GRK4: variants seen among roughly 807,000 people sequenced by gnomAD.
The protein encoded by GRK4 is G protein-coupled receptor kinase 4.
GRK4 carries 73 observed loss-of-function variants against 77.9 expected under a neutral mutation model. The ratio of observed to expected loss-of-function variants is 0.94; its 90% confidence interval spans 0.78 to 1.14. GRK4 has a LOEUF of 1.14. Ranked by LOEUF, GRK4 falls within the 50% of genes most tolerant of loss-of-function variation. The pLI, the probability that GRK4 is intolerant of heterozygous loss-of-function variation, is 0.00. For synonymous variants in GRK4, 257 were observed against 254.4 expected, an observed-to-expected ratio of 1.01 and a Z score of -0.10; for missense variants, 729 against 700.2, an observed-to-expected ratio of 1.04 and a Z score of -0.46.
At chr4:3,026,115 C>T (rs890010726) in intron 10 of GRK4, among the ~76,000 whole-genome samples, 2 of 152,188 alleles carry the variant, frequency 1.3e-5, no homozygotes, top group Non-Finnish European at 2.9e-5. Flanking sequence ...TTTCCTATTT[C>T]GTTGAATGTA....
At chr4:3,015,589 G>A (rs1326864772) in intron 8 of GRK4, among the ~76,000 whole-genome samples, 2 of 151,710 alleles carry the variant, frequency 1.3e-5, no homozygotes, top group Non-Finnish European at 2.9e-5. Context: ...GCAGGAGAAT[G>A]GCGTGAACCC....
chr4:2,990,351 G>T (rs1194976077), intron 3 of GRK4, among the ~76,000 whole-genome samples: 1 of 149,152 alleles, frequency 6.7e-6, no homozygotes, highest in Admixed American at 6.8e-5. Context: ...CCGCCTCCCA[G>T]GTTCAAGTGA....
intron 7 of GRK4, 139 bp from the exon 8 acceptor site, chr4:3,013,549 C>A: frequency 2.1e-6 from 2 of 971,016 alleles, no homozygotes; most frequent in Non-Finnish European, 3.1e-6. Flanking sequence ...ACGAAGCTCA[C>A]CTTTGAAACG....
At chr4:3,028,134 G>A (rs1231503357) in intron 11 of GRK4, 133 bp downstream of exon 11, 1 of 734,238 alleles carries the variant, frequency 1.4e-6, no homozygotes, top group African/African-American at 1.7e-5. Context: ...GTGGTGTTTT[G>A]AATCTCTAAC....
At chr4:2,986,979 C>A (rs1042963288) in intron 2 of GRK4, among the ~76,000 whole-genome samples, 4 of 152,172 alleles carry the variant, frequency 2.6e-5, no homozygotes, top group Non-Finnish European at 5.9e-5. Flanking sequence ...ATATGCCATA[C>A]AACTTATCCA....
At chr4:3,015,371 C>T (rs1000371100) in intron 8 of GRK4, among the ~76,000 whole-genome samples, 8 of 152,202 alleles carry the variant, frequency 5.3e-5, no homozygotes, top group Non-Finnish European at 1.2e-4. Context: ...TGTACCTTCA[C>T]AGCCAGCATC....
chr4:3,009,599 A>G, intron 6 of GRK4, 49 bp from the exon 7 acceptor site: 1 of 1,440,134 alleles, frequency 6.9e-7, no homozygotes, highest in Non-Finnish European at 9.8e-7. Context: ...TTCTTTTTTA[A>G]AAGAACAATG....
chr4:2,980,512 C>G (rs1174101135), intron 1 of GRK4, among the ~76,000 whole-genome samples: 2 of 151,594 alleles, frequency 1.3e-5, no homozygotes, highest in African/African-American at 4.9e-5. Context: ...CTACTAGATG[C>G]TGAGATCTCA....
chr4:2,977,055 A>G (rs1372375588), intron 1 of GRK4, among the ~76,000 whole-genome samples: 5 of 152,114 alleles, frequency 3.3e-5, no homozygotes, highest in Admixed American at 3.3e-4. Flanking sequence ...CTGAGTTTTT[A>G]TCTGCTTTTG....
chr4:2,998,509 A>G (rs1728614132), intron 4 of GRK4, among the ~76,000 whole-genome samples: 1 of 152,202 alleles, frequency 6.6e-6, no homozygotes. Flanking sequence ...TGAGTCTGGT[A>G]AGGCTGCAAG....
intron 4 of GRK4, among the ~76,000 whole-genome samples, chr4:2,995,509 A>C: frequency 1.7e-5 from 1 of 58,972 alleles, no homozygotes; most frequent in African/African-American, 1.1e-4. Flanking sequence ...TCTCTACTAA[A>C]AAAAAAAAAA....
At chr4:2,977,043 A>G (rs1721427771) in intron 1 of GRK4, among the ~76,000 whole-genome samples, 1 of 152,116 alleles carries the variant, frequency 6.6e-6, no homozygotes, top group Non-Finnish European at 1.5e-5. Context: ...TGCTGCACAG[A>G]GCTGAGTTTT....
At chr4:3,039,638 C>T (rs557016786) in intron 15 of GRK4, among the ~76,000 whole-genome samples, 39 of 140,372 alleles carry the variant, frequency 2.8e-4, no homozygotes, top group African/African-American at 9.9e-4. Context: ...GCGGAGGTTA[C>T]AGGGAGCCGA....
chr4:2,997,712 A>AT (rs1728339479), intron 4 of GRK4, among the ~76,000 whole-genome samples: 1 of 152,110 alleles, frequency 6.6e-6, no homozygotes, highest in Non-Finnish European at 1.5e-5. Flanking sequence ...GTTTGAGGCC[A>AT]GCCTGGCCAG....
intron 14 of GRK4, 91 bp from the exon 15 acceptor site, chr4:3,038,285 G>A (rs3021124): frequency 0.038 from 57,947 of 1,506,162 alleles, 1,507 homozygotes; most frequent in African/African-American, 0.12. Flanking sequence ...TGCCCCGCAC[G>A]GGGCTGGGCA....
chr4:3,006,140 G>A (rs1731261403), intron 5 of GRK4, among the ~76,000 whole-genome samples: 1 of 152,148 alleles, frequency 6.6e-6, no homozygotes, highest in African/African-American at 2.4e-5. Context: ...AACACTTTGG[G>A]AGGCCGACGT....
At chr4:3,014,087 C>A (rs576893353) in intron 8 of GRK4, among the ~76,000 whole-genome samples, 1 of 152,234 alleles carries the variant, frequency 6.6e-6, no homozygotes, top group African/African-American at 2.4e-5. Flanking sequence ...AGTCCCCCGC[C>A]TCCCATTCTG....
At chr4:3,031,148 G>A (rs1246810454) in intron 12 of GRK4, among the ~76,000 whole-genome samples, 1 of 152,174 alleles carries the variant, frequency 6.6e-6, no homozygotes, top group African/African-American at 2.4e-5. Context: ...CAGTGGGGAG[G>A]ACAGCAGCCA....
At position 3,007,786 on chromosome 4, in the gene GRK4, G is replaced by A. The variant is rs1418493842; in HGVS notation, c.494G>A (p.Ser165Asn). The A allele has an allele frequency of 1.9e-6, 3 of 1,611,882 alleles. No homozygotes were observed. Among genetic ancestry groups the A allele is most frequent in the South Asian group, 1.1e-5 (1 of 90,600 alleles). ...GAACCATTTGAAGAATACCAAGAAA[G>A]CTCATATTTTTCTCAGTTTTTACAA... Reference protein sequence around the residue: ...RGEPFEEYQESSYFSQFLQWK... With the variant: ...RGEPFEEYQENSYFSQFLQWK... The change falls in exon 6 of 16, where the codon AGC becomes AAC. Residue 165 changes from serine (S) to asparagine (N), a missense_variant. Ser to Asn is a conservative substitution (Grantham distance 46, BLOSUM62 1). Coordinates refer to ENST00000398052, the MANE Select transcript of GRK4 (RefSeq NM_182982.3).
Sources: gnomAD v4.1 joint callset for allele counts (sites outside exome capture counted in the v4.1 genomes callset) on GRCh38, gnomAD v4.1.1 for gene constraint, MANE v1.5 for transcripts, NCBI Gene and HGNC (gene_info 2026-07-23, HGNC 2026-07-21) for gene names.